The following LIPI variants were observed in gnomAD, a reference collection of about 807,000 sequenced individuals.
LIPI encodes lipase member I.
In LIPI, 59 loss-of-function variants were observed where a neutral mutation model predicts 50.6. That is an observed-to-expected ratio of 1.16 (90% CI 0.94 to 1.45). LIPI has a LOEUF of 1.45. Ranked by LOEUF, LIPI falls within the 40% of genes most tolerant of loss-of-function variation. LIPI has a pLI of 0.00. For missense variants in LIPI, 586 were observed against 536.3 expected (o/e 1.09, Z -0.92); for synonymous variants, 203 against 178.2 (o/e 1.14, Z -1.11).
At chr21:14,126,242 A>G (rs2017060155) in intron 9 of LIPI, among the ~76,000 whole-genome samples, 1 of 152,204 alleles carries the variant, frequency 6.6e-6, no homozygotes, top group South Asian at 2.1e-4. Context: ...TTAAACACCT[A>G]CATGTCCAAT....
intron 8 of LIPI, among the ~76,000 whole-genome samples, chr21:14,151,960 A>T (rs997720393): frequency 6.6e-6 from 1 of 152,058 alleles, no homozygotes; most frequent in Non-Finnish European, 1.5e-5. Flanking sequence ...TGTGAACATG[A>T]TATTAACTGA....
chr21:14,185,117 C>G (rs2123261780), intron 3 of LIPI, among the ~76,000 whole-genome samples: 1 of 152,140 alleles, frequency 6.6e-6, no homozygotes, highest in East Asian at 1.9e-4. Context: ...AAGTCACTAC[C>G]ACTCATAGAG....
At chr21:14,196,619 GA>G (rs1568882808) in intron 1 of LIPI, among the ~76,000 whole-genome samples, 1 of 152,036 alleles carries the variant, frequency 6.6e-6, no homozygotes, top group East Asian at 1.9e-4. Context: ...TGGAGGCTAG[GA>G]GTTCAAGACA....
intron 9 of LIPI, among the ~76,000 whole-genome samples, chr21:14,119,937 A>G (rs914789461): frequency 3.9e-5 from 6 of 152,186 alleles, no homozygotes; most frequent in South Asian, 2.1e-4. Flanking sequence ...CCCTGACGGA[A>G]CAGAGAGGAC....
In LIPI at chr21:14,189,419, T is replaced by A; in HGVS notation, c.47A>T (p.Asp16Val). 1 of 1,612,090 alleles carries A rather than the reference T, an allele frequency of 6.2e-7. No homozygotes were observed. Among genetic ancestry groups the A allele is most frequent in the Non-Finnish European group, 8.5e-7 (1 of 1,178,430 alleles). Residue 16 changes from aspartate to valine, a missense_variant and splice_region_variant, in exon 2 of 10, where the codon GAT (aspartate) becomes GTT (valine). Asp to Val is a radical substitution (Grantham distance 152, BLOSUM62 -3). Transcript: ENST00000681601. ...FLCLMCWVRS[D>V]NKRPCLEFSQ... is the part of the protein sequence containing the mutation. ...GAATTCAAGGCATGGTCTTTTATTA[T>A]CTGAAATAAGAAAATGTCAGTCAAG...
intron 1 of LIPI, among the ~76,000 whole-genome samples, chr21:14,197,384 G>T (rs1015677431): frequency 3.9e-5 from 6 of 151,998 alleles, no homozygotes; most frequent in African/African-American, 1.5e-4. Context: ...ATAAAATGTT[G>T]CAGGTGCTGA....
At chr21:14,122,059 A>G (rs1239142642) in intron 9 of LIPI, among the ~76,000 whole-genome samples, 9 of 152,178 alleles carry the variant, frequency 5.9e-5, no homozygotes, top group African/African-American at 2.2e-4. Flanking sequence ...CTGTCATGCT[A>G]TCTTTGCAAT....
At chr21:14,128,891 G>C (rs998132358) in intron 9 of LIPI, among the ~76,000 whole-genome samples, 1 of 152,040 alleles carries the variant, frequency 6.6e-6, no homozygotes, top group African/African-American at 2.4e-5. Context: ...ACAACGCCCT[G>C]GGTGAGAGTA....
intron 9 of LIPI, among the ~76,000 whole-genome samples, chr21:14,113,632 GA>G (rs200489705): frequency 2.3e-5 from 3 of 133,088 alleles, no homozygotes; most frequent in African/African-American, 3.1e-5. Flanking sequence ...GAGGAACACA[GA>G]AAAAAAATCT....
At chr21:14,158,085 C>T (rs865819363) in intron 7 of LIPI, among the ~76,000 whole-genome samples, 1 of 151,744 alleles carries the variant, frequency 6.6e-6, no homozygotes, top group Non-Finnish European at 1.5e-5. Context: ...TAAGTTGATG[C>T]TGTAATGACT....
At chr21:14,168,996 C>G (rs1490841945) in intron 4 of LIPI, among the ~76,000 whole-genome samples, 1 of 150,658 alleles carries the variant, frequency 6.6e-6, no homozygotes, top group Admixed American at 6.6e-5. Context: ...CACATAGGCT[C>G]AAAATAAAAG....
chr21:14,155,676 A>G (rs2018248963), intron 7 of LIPI, among the ~76,000 whole-genome samples: 1 of 152,064 alleles, frequency 6.6e-6, no homozygotes, highest in African/African-American at 2.4e-5. Context: ...ACATTTTTCA[A>G]GTGCTGAAAG....
At chr21:14,167,063 C>T (rs2018713977) in intron 4 of LIPI, among the ~76,000 whole-genome samples, 1 of 152,226 alleles carries the variant, frequency 6.6e-6, no homozygotes, top group African/African-American at 2.4e-5. Flanking sequence ...AGATTATATC[C>T]CACACATGGC....
intron 1 of LIPI, among the ~76,000 whole-genome samples, chr21:14,204,691 T>G (rs549947438): frequency 6.6e-6 from 1 of 152,106 alleles, no homozygotes; most frequent in South Asian, 2.1e-4. Context: ...ACTATAATAA[T>G]TATGGCAATT....
chr21:14,120,464 CA>C (rs1333451236), intron 9 of LIPI, among the ~76,000 whole-genome samples: 1 of 152,024 alleles, frequency 6.6e-6, no homozygotes, highest in African/African-American at 2.4e-5. Context: ...AAATAAAGAA[CA>C]AAAAGGAAAT....
At chr21:14,124,778 C>T (rs1600835623) in intron 9 of LIPI, among the ~76,000 whole-genome samples, 1 of 152,252 alleles carries the variant, frequency 6.6e-6, no homozygotes, top group Non-Finnish European at 1.5e-5. Flanking sequence ...GAACTCTGTT[C>T]GGTCTCTCTT....
Position 14,160,649 on chromosome 21 carries a change from C to A in LIPI, c.1006+2770G>T, listed in dbSNP as rs577987993. 5.3e-5 allele frequency among the ~76,000 whole-genome samples: 8 copies of A among 151,470 alleles called. No homozygotes were observed. The East Asian group carries it at 1.4e-3, about 26-fold the overall frequency. On this transcript the variant is annotated intron_variant, in intron 7 of 9. Transcript: ENST00000681601. ...ATACCTAAAATAATGATCAATTACTCCTCATCAAAACTAATCACTTTTTCT... is the reference window on the plus strand; with the variant it reads ...ATACCTAAAATAATGATCAATTACTACTCATCAAAACTAATCACTTTTTCT...
intron 1 of LIPI, among the ~76,000 whole-genome samples, chr21:14,193,717 G>A (rs78339433): frequency 0.035 from 5,311 of 151,916 alleles, 260 homozygotes; most frequent in East Asian, 0.26. Context: ...CTTGGATTTG[G>A]CATTGATTTC....
intron 4 of LIPI, among the ~76,000 whole-genome samples, chr21:14,170,964 C>T (rs1356784513): frequency 6.6e-6 from 1 of 151,846 alleles, no homozygotes; most frequent in African/African-American, 2.4e-5. Flanking sequence ...ATCTAGAAAA[C>T]CCCATTTTCT....
Sources: allele counts gnomAD v4.1 joint callset (sites outside exome capture counted in the v4.1 genomes callset), GRCh38; gene constraint gnomAD v4.1.1; transcripts MANE v1.5; gene names NCBI Gene and HGNC (gene_info 2026-07-23, HGNC 2026-07-21).